The following INTS1 variants were observed in gnomAD, a reference collection of about 807,000 sequenced individuals.
The protein encoded by INTS1 is integrator complex subunit 1.
Under a neutral mutation model 241.6 loss-of-function variants are expected in INTS1, and 137 were observed. The ratio of observed to expected loss-of-function variants is 0.57; its 90% confidence interval spans 0.49 to 0.65. The LOEUF (loss-of-function observed/expected upper bound fraction) is 0.65. Ranked by LOEUF, INTS1 falls within the 30% of genes least tolerant of loss-of-function variation. The pLI is 0.00. For missense variants in INTS1, 3,073 were observed against 3,032.2 expected (o/e 1.01, Z -0.32); for synonymous variants, 1,692 against 1,337.8 (o/e 1.26, Z -5.78).
At chr7:1,483,201 G>A in intron 26 of INTS1, 1 of 217,334 alleles carries the variant, frequency 4.6e-6, no homozygotes, top group South Asian at 7.4e-5. Context: ...TTCCCCCACT[G>A]ACAGACACAA....
chr7:1,486,963 C>A lies in INTS1; in HGVS notation c.2785G>T (p.Asp929Tyr). The A allele has an allele frequency of 6.2e-7, 1 of 1,607,878 alleles. No homozygotes were observed. The highest frequency in any genetic ancestry group is 1.7e-5 in the Admixed American group (1 of 59,888). The change falls in exon 21 of 48, where the codon GAC becomes TAC. Residue 929 changes from aspartate to tyrosine, a missense_variant. Asp to Tyr is a radical substitution (Grantham distance 160, BLOSUM62 -3). Coordinates refer to ENST00000404767, the MANE Select transcript of INTS1 (RefSeq NM_001080453.3). ...TTCTGCTCCTTGCTCTCGCCCTCGT[C>A]GTCCTCCTCCCCGGAAGCAGCATCG... ...VDDAASGEEDDEGESKEQKAK... is the reference protein window; with the variant it reads ...VDDAASGEEDYEGESKEQKAK...
Position 1,504,359 on chromosome 7 carries a change from C to A in INTS1, c.-78G>T. On this transcript the variant is annotated 5_prime_UTR_variant, in exon 1 of 48. Coordinates refer to ENST00000404767, the MANE Select transcript of INTS1 (RefSeq NM_001080453.3). Reference sequence around the variant, plus strand: ...CGCGACCGGAGCGCCGCCGCCGCCACCCGGCCACCCCGGAATCGGAAACCG... The same window carrying A: ...CGCGACCGGAGCGCCGCCGCCGCCAACCGGCCACCCCGGAATCGGAAACCG... 1 of 493,770 alleles carries A rather than the reference C, an allele frequency of 2.0e-6. No homozygotes were observed. Among genetic ancestry groups the A allele is most frequent in the Non-Finnish European group, 3.9e-6 (1 of 253,316 alleles). 30.6% of individuals were successfully genotyped at this position (493,770 alleles called of 1,614,324 possible). A position where few individuals can be genotyped will look rare whatever the true frequency, so the allele number is the denominator to read the frequency against.
At chr7:1,478,197 T>A (rs140635951) in intron 33 of INTS1, among the ~76,000 whole-genome samples, 169 bp downstream of exon 33, 619 of 151,952 alleles carry the variant, frequency 4.1e-3, no homozygotes, top group Middle Eastern at 0.024. Context: ...CTCCAACTCA[T>A]TCTCAAGAGG....
chr7:1,491,153 G>C (rs2128540937), intron 16 of INTS1, among the ~76,000 whole-genome samples: 1 of 152,360 alleles, frequency 6.6e-6, no homozygotes, highest in Admixed American at 6.5e-5. Flanking sequence ...GGCTTCGGGA[G>C]CGTGGGGCAG....
chr7:1,489,693 G>A lies in INTS1; in HGVS notation c.2166-11C>T, dbSNP rs747154658. 41 of 1,502,384 alleles carry A rather than the reference G, an allele frequency of 2.7e-5. No individual in the cohort carries two copies. The African/African-American group carries it at 4.3e-4, about 16-fold the overall frequency. 93.1% of individuals were successfully genotyped at this position (1,502,384 alleles called of 1,614,324 possible). ...TTCGGAGGCTGGTACCTGGAAGGCA[G>A]GGGCGCCCCGACTCAGGCCCAGCGC... On this transcript the variant is annotated splice_polypyrimidine_tract_variant and intron_variant, in intron 16 of 47. Coordinates refer to ENST00000404767, the MANE Select transcript of INTS1 (RefSeq NM_001080453.3).
At position 1,503,313 on chromosome 7, in the gene INTS1, G is replaced by A. The variant is rs1783290334; in HGVS notation, c.59-122C>T. The A allele has an allele frequency of 6.6e-6, 7 of 1,058,028 alleles. No individual in the cohort carries two copies. The South Asian group carries it at 1.0e-4, about 15-fold the overall frequency. The allele number at this position is 1,058,028 out of a possible 1,614,324, so 65.5% of individuals were successfully genotyped here. On this transcript the variant is annotated intron_variant, in intron 2 of 47. Transcript: ENST00000404767. The stretch of plus-strand genomic sequence containing the variant: ...AAGGGTCAGAGGAGGCAAGGAAGAA[G>A]CCAGAGCTCACTCAGCAGCCTACAG...
chr7:1,481,456 G>A lies in INTS1; in HGVS notation c.3736C>T (p.Leu1246=), dbSNP rs768149332. The A allele has an allele frequency of 1.2e-6, 2 of 1,611,090 alleles. No homozygotes were observed. Among genetic ancestry groups the A allele is most frequent in the Non-Finnish European group, 1.7e-6 (2 of 1,178,660 alleles). ...LQDLEPQQLL[L]FVQSFGIPVS... is the part of the protein sequence containing the mutation. Reference sequence around the variant, plus strand: ...GGGATGCCAAACGACTGCACGAACAGCAGCAGCTGCTGCGGCTCCAGGTCC... The same window carrying A: ...GGGATGCCAAACGACTGCACGAACAACAGCAGCTGCTGCGGCTCCAGGTCC... The change falls in exon 28 of 48, where the codon CTG becomes TTG. Residue 1246 remains leucine, a synonymous_variant. Coordinates refer to ENST00000404767, the MANE Select transcript of INTS1 (RefSeq NM_001080453.3). The surrounding 1 kb of genome is among the most constrained non-coding windows in gnomAD (Gnocchi z 6.8).
intron 30 of INTS1, 96 bp from the exon 31 acceptor site, chr7:1,479,780 C>T: frequency 7.7e-7 from 1 of 1,305,964 alleles, no homozygotes; most frequent in Non-Finnish European, 1.0e-6. Flanking sequence ...CGTGCCAGAA[C>T]CGCGTCCCAT....
At position 1,476,580 on chromosome 7, in the gene INTS1, C is replaced by T. The variant is rs370729536; in HGVS notation, c.5141G>A (p.Arg1714His). ...CCTCCCAAGACCTGCCTGCGGGGTG[C>T]GCTGGTCCCGCCCCTGCCAGATGCG... Reference protein sequence around the residue: ...VPRIWQGRDQRTPQKRREELV... With the variant: ...VPRIWQGRDQHTPQKRREELV... The change falls in exon 37 of 48, where the codon CGC becomes CAC. Residue 1714 changes from arginine to histidine, a missense_variant. Coordinates refer to ENST00000404767, the MANE Select transcript of INTS1 (RefSeq NM_001080453.3). 16 of 1,612,180 alleles carry T rather than the reference C, an allele frequency of 9.9e-6. No homozygotes were observed. The highest frequency in any genetic ancestry group is 4.4e-5 in the South Asian group (4 of 91,024).
intron 14 of INTS1, 165 bp downstream of exon 14, chr7:1,494,645 ATGGGAG>A: frequency 1.5e-6 from 1 of 679,954 alleles, no homozygotes; most frequent in Non-Finnish European, 2.6e-6. Context: ...GGACGCCAGC[ATGGGAG>A]TGGGAGAAGG....
At chr7:1,487,266 G>A (rs1782316080) in intron 20 of INTS1, 54 bp downstream of exon 20, 1 of 1,548,624 alleles carries the variant, frequency 6.5e-7, no homozygotes. Context: ...GCCTCCGGAA[G>A]GTTCCGGGCC....
At chr7:1,470,744 G>A (rs1010016130) in intron 47 of INTS1, 52 bp from the exon 48 acceptor site, 13 of 1,475,992 alleles carry the variant, frequency 8.8e-6, no homozygotes, top group Admixed American at 6.6e-5. Flanking sequence ...CATCCTGGCC[G>A]CAGTGACCAG....
chr7:1,486,525 A>G, intron 22 of INTS1, 100 bp downstream of exon 22: 3 of 1,386,038 alleles, frequency 2.2e-6, no homozygotes, highest in Non-Finnish European at 9.7e-7. Context: ...TTGGCCTCCC[A>G]AAGTGCTGGG....
intron 3 of INTS1, among the ~76,000 whole-genome samples, chr7:1,502,650 G>C (rs1429765487): frequency 6.6e-6 from 1 of 152,184 alleles, no homozygotes; most frequent in African/African-American, 2.4e-5. Context: ...ACAGACACAT[G>C]AGACAAACAA....
chr7:1,489,213 C>T, intron 18 of INTS1, 131 bp downstream of exon 18: 1 of 131,082 alleles, frequency 7.6e-6, no homozygotes, highest in Non-Finnish European at 1.1e-5. Flanking sequence ...AGCTCAGGTC[C>T]ATGAGTCAAC....
At chr7:1,487,994 C>A (rs766101287) in intron 18 of INTS1, 37 bp from the exon 19 acceptor site, 1 of 1,604,620 alleles carries the variant, frequency 6.2e-7, no homozygotes, top group South Asian at 1.1e-5. Flanking sequence ...CCCTGCCCCC[C>A]ATGAAGGGCT....
In INTS1 at chr7:1,499,636, T is replaced by A. The variant is rs939426010; in HGVS notation, c.685-4A>T. 2.5e-6 allele frequency: 4 copies of A among 1,592,826 alleles called. No homozygotes were observed. The African/African-American group carries it at 4.0e-5, about 16-fold the overall frequency. ...CCAGGGAGTCCTCGATGTACACCTG[T>A]GTGGCAGCCACACCCTCAGCCCCGA... is the stretch of plus-strand genomic sequence containing the variant. On this transcript the variant is annotated splice_polypyrimidine_tract_variant and splice_region_variant and intron_variant, in intron 5 of 47. Coordinates refer to ENST00000404767, the MANE Select transcript of INTS1 (RefSeq NM_001080453.3).
At chr7:1,472,150 C>A in intron 44 of INTS1, 123 bp downstream of exon 44, 1 of 732,912 alleles carries the variant, frequency 1.4e-6, no homozygotes, top group South Asian at 1.6e-5. Flanking sequence ...GCCCACCCAC[C>A]CACAGCCCAG....
rs368741346 is a variant in INTS1 at position 1,477,781 on chromosome 7, C to A, written c.4786G>T (p.Gly1596Trp). ...CCACCGTCCGCACCCGGCTTCCCCCCAGCCAGGGGCTCCTCCTCCTGCAGC... is the reference window on the plus strand; with the variant it reads ...CCACCGTCCGCACCCGGCTTCCCCCAAGCCAGGGGCTCCTCCTCCTGCAGC... ...LLLQEEEPLAGGKPGADGGSL... is the reference protein window; with the variant it reads ...LLLQEEEPLAWGKPGADGGSL... Residue 1596 changes from glycine (G) to tryptophan (W), a missense_variant, in exon 34 of 48, where the codon GGG becomes TGG. By Grantham distance (184) the Gly-to-Trp change is radical. Transcript: ENST00000404767. The A allele has an allele frequency of 3.5e-5, 56 of 1,612,348 alleles. 1 individual carries two copies. In the South Asian group the frequency reaches 3.6e-4, roughly 10 times the overall value.
Sources: gnomAD v4.1 joint callset for allele counts (sites outside exome capture counted in the v4.1 genomes callset) on GRCh38, gnomAD v4.1.1 for gene constraint, Gnocchi (gnomAD v3.1) non-coding constraint, MANE v1.5 for transcripts, NCBI Gene and HGNC (gene_info 2026-07-23, HGNC 2026-07-21) for gene names.